KCNH2: variants seen among roughly 807,000 people sequenced by gnomAD.
KCNH2 encodes the protein voltage-gated inwardly rectifying potassium channel KCNH2.
KCNH2 carries 35 observed loss-of-function variants against 95.9 expected under a neutral mutation model. That is an observed-to-expected ratio of 0.37 (90% confidence interval 0.28 to 0.48). The LOEUF (loss-of-function observed/expected upper bound fraction) is 0.48. KCNH2 is among the 20% of genes least tolerant of loss of function. KCNH2 has a pLI of 0.99. For synonymous variants in KCNH2, 786 were observed against 754.7 expected (o/e 1.04, Z -0.68); for missense variants, 1,274 against 1,702.9 (o/e 0.75, Z 4.43).
chr7:150,959,851 G>T, intron 2 of KCNH2, 115 bp from the exon 3 acceptor site: 1 of 1,163,300 alleles, frequency 8.6e-7, no homozygotes, highest in Non-Finnish European at 1.3e-6. Context: ...CTCCCCGTAT[G>T]GCCCTTCCTC....
At chr7:150,959,896 A>G (rs1801507705) in intron 2 of KCNH2, 160 bp from the exon 3 acceptor site, 3 of 821,082 alleles carry the variant, frequency 3.7e-6, no homozygotes, top group South Asian at 2.9e-5. Context: ...CCACCCGGCC[A>G]TGTGCCTGCC....
chr7:150,974,033 T>C (rs928758745), intron 2 of KCNH2, among the ~76,000 whole-genome samples: 5 of 152,178 alleles, frequency 3.3e-5, no homozygotes, highest in African/African-American at 1.2e-4. Flanking sequence ...GGGCTCTGTT[T>C]ATCCGCTCTC....
In KCNH2 at chr7:150,957,311, C is replaced by T. The variant is rs780075579; in HGVS notation, c.1108G>A (p.Val370Ile). Residue 370 changes from valine (V) to isoleucine (I), a missense_variant, in exon 5 of 15, where the codon GTC becomes ATC. By Grantham distance (29) the Val-to-Ile change is conservative (BLOSUM62 3). Around this residue, in one of 7 missense-constraint regions of KCNH2, gnomAD observed 392 missense variants for 429.9 expected, o/e 0.91. Coordinates refer to ENST00000262186, the MANE Select transcript of KCNH2 (RefSeq NM_000238.4). ...CCTACCTGGGTGACCTTCTCAGTGA[C>T]ATTGTGGGTTCGCTCCTTTATCTTA... The part of the protein sequence containing the change: ...APKIKERTHN[V>I]TEKVTQVLSL... 1 of 1,587,386 alleles carries T rather than the reference C, an allele frequency of 6.3e-7. No homozygotes were observed. The highest frequency in any genetic ancestry group is 8.6e-7 in the Non-Finnish European group (1 of 1,166,772).
At position 150,952,670 on chromosome 7, in the gene KCNH2, C is replaced by A. The variant is rs746592711; in HGVS notation, c.1312G>T (p.Glu438Ter). ...SAAFLLKETE[E>*]GPPATECGYA... ...CCACACTCGGTAGCAGGCGGGCCTT[C>A]TTCCGTCTCCTTCAGCAGGAAGGCA... Residue 438 changes from glutamate to a stop codon, truncating the protein, a stop_gained, in exon 6 of 15, where the codon GAA becomes TAA. Coordinates refer to ENST00000262186, the MANE Select transcript of KCNH2 (RefSeq NM_000238.4). LOFTEE classifies it high-confidence loss of function. This position sits in a 1 kb window ranked among gnomAD's most constrained non-coding sequence, Gnocchi z 7.3. The A allele has an allele frequency of 6.2e-7, 1 of 1,614,226 alleles. No individual in the cohort carries two copies.
At chr7:150,969,112 GC>G (rs1193274764) in intron 2 of KCNH2, among the ~76,000 whole-genome samples, 1 of 152,228 alleles carries the variant, frequency 6.6e-6, no homozygotes, top group Non-Finnish European at 1.5e-5. Flanking sequence ...CTCTCTGGGG[GC>G]AAGAGAGCTG....
intron 9 of KCNH2, chr7:150,949,869 CT>C: frequency 7.4e-7 from 1 of 1,342,810 alleles, no homozygotes; most frequent in Non-Finnish European, 9.8e-7. Context: ...TCTTCCTCTA[CT>C]GCCCAGGCTA....
chr7:150,954,161 G>A (rs1392265542), intron 5 of KCNH2, among the ~76,000 whole-genome samples: 1 of 152,186 alleles, frequency 6.6e-6, no homozygotes, highest in Non-Finnish European at 1.5e-5. Context: ...CACATGGACA[G>A]GCTCACAGGC....
chr7:150,949,538 T>C (rs981319335), intron 9 of KCNH2: 118 of 889,434 alleles, frequency 1.3e-4, no homozygotes, highest in Non-Finnish European at 1.2e-4. Flanking sequence ...ACTTTGATTT[T>C]AGTTTTGTGG....
At chr7:150,967,193 C>A (rs1455559581) in intron 2 of KCNH2, among the ~76,000 whole-genome samples, 1 of 152,098 alleles carries the variant, frequency 6.6e-6, no homozygotes, top group African/African-American at 2.4e-5. Context: ...ACAGGAGAAT[C>A]GCTTGAACCC....
chr7:150,950,350 T>C lies in KCNH2; in HGVS notation c.2216A>G (p.His739Arg), dbSNP rs869025446. 6.2e-7 allele frequency: 1 copy of C among 1,612,870 alleles called. No individual in the cohort carries two copies. The change falls in exon 9 of 15, where the codon CAC (histidine) becomes CGC (arginine). Residue 739 changes from histidine (H) to arginine (R), a missense_variant. Transcript: ENST00000262186. ...CLHLNRSLLQHCKPFRGATKG... is the reference protein window; with the variant it reads ...CLHLNRSLLQRCKPFRGATKG... ...GGTGGCCCCTCGGAAGGGTTTGCAG[T>C]GCTGCAGCAGTGAGCGGTTCAGGTG...
rs1801096728 is a variant in KCNH2 at position 150,950,433 on chromosome 7, TG to T, written c.2146-14del. 6.2e-7 allele frequency: 1 copy of T among 1,610,162 alleles called. No individual in the cohort carries two copies. Among genetic ancestry groups the T allele is most frequent in the Non-Finnish European group, 8.5e-7 (1 of 1,179,804 alleles). Reference sequence around the variant, plus strand: ...AGCCCTTCAGCACCTGGGGGCAGGGTGGGGGCAGCTCAGCACACCCTCCCTT... The same window carrying T: ...AGCCCTTCAGCACCTGGGGGCAGGGTGGGGCAGCTCAGCACACCCTCCCTT... On this transcript the variant is annotated splice_polypyrimidine_tract_variant and intron_variant, in intron 8 of 14. Transcript: ENST00000262186.
intron 1 of KCNH2, among the ~76,000 whole-genome samples, chr7:150,976,329 CT>C (rs1206675593): frequency 6.6e-6 from 1 of 152,188 alleles, no homozygotes; most frequent in Non-Finnish European, 1.5e-5. Flanking sequence ...AGAAAGTTGC[CT>C]TTTGGAACTG....
chr7:150,951,426 GC>G, intron 7 of KCNH2, 21 bp downstream of exon 7: 1 of 1,613,070 alleles, frequency 6.2e-7, no homozygotes, highest in South Asian at 1.1e-5. Flanking sequence ...TCTCCCCGCC[GC>G]CCGCCCCTGG....
intron 9 of KCNH2, 49 bp from the exon 10 acceptor site, chr7:150,949,098 C>G: frequency 6.5e-7 from 1 of 1,526,980 alleles, no homozygotes; most frequent in Admixed American, 1.7e-5. Flanking sequence ...GGGCGGCATC[C>G]AGGCAGCAGG....
At chr7:150,964,894 C>G (rs1246585661) in intron 2 of KCNH2, among the ~76,000 whole-genome samples, 1 of 152,188 alleles carries the variant, frequency 6.6e-6, no homozygotes, top group East Asian at 1.9e-4. Flanking sequence ...GGAGCCGCTC[C>G]TGGCAGGGGG....
chr7:150,968,249 G>A (rs183338538), intron 2 of KCNH2, among the ~76,000 whole-genome samples: 85 of 152,256 alleles, frequency 5.6e-4, no homozygotes, highest in Non-Finnish European at 1.0e-3. Context: ...TTCCACTCCC[G>A]GGCGTGTATC....
At chr7:150,955,620 G>A in intron 5 of KCNH2, 7 of 1,433,124 alleles carry the variant, frequency 4.9e-6, no homozygotes, top group Non-Finnish European at 6.4e-6. Context: ...TGGCCGACTG[G>A]CAACCAGAGC....
At chr7:150,970,815 A>G (rs1189909194) in intron 2 of KCNH2, among the ~76,000 whole-genome samples, 4 of 152,194 alleles carry the variant, frequency 2.6e-5, no homozygotes, top group Non-Finnish European at 5.9e-5. Flanking sequence ...CTTCAGTGCC[A>G]CAGGAAAAGT....
At chr7:150,953,033 A>G (rs1801244890) in intron 5 of KCNH2, among the ~76,000 whole-genome samples, 180 bp from the exon 6 acceptor site, 1 of 152,134 alleles carries the variant, frequency 6.6e-6, no homozygotes, top group Non-Finnish European at 1.5e-5. Context: ...TTTGGGCATC[A>G]TGGTTCCCAA....
Sources: allele counts gnomAD v4.1 joint callset (sites outside exome capture counted in the v4.1 genomes callset), GRCh38; gene constraint gnomAD v4.1.1; regional missense constraint gnomAD v4.1.1; non-coding constraint Gnocchi (gnomAD v3.1); transcripts MANE v1.5; gene names NCBI Gene and HGNC (gene_info 2026-07-23, HGNC 2026-07-21).